The following PCDHA10 variants were observed in gnomAD, a reference collection of about 807,000 sequenced individuals.
PCDHA10 encodes the protein protocadherin alpha-10.
PCDHA10 carries 45 observed loss-of-function variants against 61.2 expected under a neutral mutation model. The ratio of observed to expected loss-of-function variants is 0.74; its 90% CI spans 0.58 to 0.94. The LOEUF (loss-of-function observed/expected upper bound fraction) is 0.94, where lower values mean the gene tolerates loss of function less well. Ranked by LOEUF, PCDHA10 falls within the 40% of genes least tolerant of loss-of-function variation. The probability of loss-of-function intolerance (pLI) is 0.00; values close to 1 mark genes in which losing one functional copy is unlikely to be tolerated. For synonymous variants in PCDHA10, 602 were observed against 548.8 expected (o/e 1.10, Z -1.35); for missense variants, 1,278 against 1,236.2 (o/e 1.03, Z -0.51).
rs782448076 is a variant in PCDHA10 at position 140,857,737 on chromosome 5, G to C, written c.1689G>C (p.Ala563=). 4 of 1,597,412 alleles carry C rather than the reference G, an allele frequency of 2.5e-6. No homozygotes were observed. The highest frequency in any genetic ancestry group is 1.8e-4 in the Middle Eastern group (1 of 5,652). Reference sequence around the variant, plus strand: ...TGGACGAGAACGACAACGCTCCCGCGCTGCTGGCGTCTCCCGCTGGCAGCG... The same window carrying C: ...TGGACGAGAACGACAACGCTCCCGCCCTGCTGGCGTCTCCCGCTGGCAGCG... ...FVLDENDNAP[A]LLASPAGSAG... The change falls in exon 1 of 4, where the codon GCG becomes GCC. Residue 563 remains alanine, a synonymous_variant. Transcript: ENST00000307360.
At chr5:140,926,789 G>C in intron 1 of PCDHA10, 1 of 1,432,318 alleles carries the variant, frequency 7.0e-7, no homozygotes, top group Non-Finnish European at 9.1e-7. Context: ...CGGCCGGCAG[G>C]AGCGTGCTCT....
chr5:140,961,920 G>A (rs2095643236), intron 1 of PCDHA10, among the ~76,000 whole-genome samples: 1 of 147,904 alleles, frequency 6.8e-6, no homozygotes, highest in South Asian at 2.1e-4. Context: ...GTCTCGCTCT[G>A]TTGCCCAGGC....
Position 140,858,425 on chromosome 5 carries a change from C to A in PCDHA10, c.2377C>A (p.His793Asn), listed in dbSNP as rs373682195. Reference protein sequence around the residue: ...DGEDQSIGGDHSRKPRQPNPD... With the variant: ...DGEDQSIGGDNSRKPRQPNPD... Reference sequence around the variant, plus strand: ...GGAAGATCAGTCTATTGGAGGGGACCACTCTAGGAAGGTGGGTTATTACGT... The same window carrying A: ...GGAAGATCAGTCTATTGGAGGGGACAACTCTAGGAAGGTGGGTTATTACGT... The change falls in exon 1 of 4, where the codon CAC becomes AAC. Residue 793 changes from histidine to asparagine, a missense_variant. Physicochemically the swap from His to Asn is moderately conservative, Grantham distance 68. Coordinates refer to ENST00000307360, the MANE Select transcript of PCDHA10 (RefSeq NM_018901.4). The A allele has an allele frequency of 1.2e-5, 18 of 1,552,696 alleles. 1 individual carries two copies. In the African/African-American group the frequency reaches 2.3e-4, roughly 20 times the overall value.
In PCDHA10 at chr5:140,856,832, C is replaced by A. The variant is rs2044230469; in HGVS notation, c.784C>A (p.Arg262=). 3.1e-6 allele frequency: 5 copies of A among 1,590,918 alleles called. No homozygotes were observed. The highest frequency in any genetic ancestry group is 4.3e-6 in the Non-Finnish European group (5 of 1,161,254). Residue 262 remains arginine (R), a synonymous_variant, in exon 1 of 4, where the codon CGG becomes AGG. Transcript: ENST00000307360. The part of the protein sequence containing the change: ...ENQVNQTLVI[R]LNASDSDEGI... ...TCAAGTGAACCAAACATTAGTAATA[C>A]GGCTCAACGCTTCTGATTCGGATGA...
intron 1 of PCDHA10, among the ~76,000 whole-genome samples, chr5:140,925,122 GA>G (rs1298426256): frequency 2.7e-5 from 4 of 150,724 alleles, no homozygotes; most frequent in Non-Finnish European, 4.4e-5. Flanking sequence ...AGGAAGGAAG[GA>G]AAAAAAATTT....
chr5:140,882,197 G>T, intron 1 of PCDHA10: 2 of 1,521,690 alleles, frequency 1.3e-6, no homozygotes, highest in Non-Finnish European at 1.8e-6. Flanking sequence ...CATAAAAATT[G>T]GGCCTTGAGA....
chr5:140,899,962 C>G (rs1562916347), intron 1 of PCDHA10, among the ~76,000 whole-genome samples: 1 of 152,064 alleles, frequency 6.6e-6, no homozygotes, highest in African/African-American at 2.4e-5. Flanking sequence ...CATGTGCTGC[C>G]ATGCCCAGCT....
At chr5:140,884,941 C>T (rs1326188943) in intron 1 of PCDHA10, among the ~76,000 whole-genome samples, 1 of 152,116 alleles carries the variant, frequency 6.6e-6, no homozygotes, top group Admixed American at 6.5e-5. Context: ...TGCAATTGAG[C>T]ATTTACAAAA....
chr5:140,976,449 G>T (rs1554237649), intron 1 of PCDHA10, among the ~76,000 whole-genome samples: 1 of 152,136 alleles, frequency 6.6e-6, no homozygotes, highest in Non-Finnish European at 1.5e-5. Flanking sequence ...TACTAGGGAG[G>T]CTGGGGAAGA....
rs1279359347 is a variant in PCDHA10 at position 141,012,130 on chromosome 5, C to T, written c.*2193C>T. ...ACTGAAGCCCATGTATCTGACCTTA[C>T]GTGCCTTTTGAACTAGGAGAATCGG... On this transcript the variant is annotated 3_prime_UTR_variant, in exon 4 of 4. Coordinates refer to ENST00000307360, the MANE Select transcript of PCDHA10 (RefSeq NM_018901.4). The T allele has an allele frequency of 2.0e-5, 3 of 153,796 alleles. No individual in the cohort carries two copies. The highest frequency in any genetic ancestry group is 1.9e-4 in the East Asian group (1 of 5,172). 9.5% of individuals were successfully genotyped at this position (153,796 alleles called of 1,614,324 possible). A position where few individuals can be genotyped will look rare whatever the true frequency, so the allele number is the denominator to read the frequency against.
At chr5:140,986,151 G>A (rs547474191) in intron 3 of PCDHA10, among the ~76,000 whole-genome samples, 1 of 152,198 alleles carries the variant, frequency 6.6e-6, no homozygotes, top group African/African-American at 2.4e-5. Flanking sequence ...GCATCACCAA[G>A]TAATGTTTTC....
intron 1 of PCDHA10, among the ~76,000 whole-genome samples, chr5:140,961,895 T>A (rs1453853880): frequency 6.6e-6 from 1 of 152,012 alleles, no homozygotes; most frequent in Non-Finnish European, 1.5e-5. Flanking sequence ...CAGTTTTTTT[T>A]TTTTTTGAGA....
chr5:140,908,492 T>G (rs1241563422), intron 1 of PCDHA10, among the ~76,000 whole-genome samples: 3 of 152,226 alleles, frequency 2.0e-5, no homozygotes, highest in African/African-American at 7.2e-5. Context: ...CAGTTCAGGT[T>G]GCTTGGTGAC....
chr5:140,905,231 A>G (rs2071692761), intron 1 of PCDHA10, among the ~76,000 whole-genome samples: 1 of 152,180 alleles, frequency 6.6e-6, no homozygotes, highest in African/African-American at 2.4e-5. Flanking sequence ...AGAGATGAGG[A>G]TCCAGTTTCA....
chr5:140,927,420 G>A (rs782549245), intron 1 of PCDHA10: 5 of 1,614,108 alleles, frequency 3.1e-6, no homozygotes, highest in Non-Finnish European at 4.2e-6. Flanking sequence ...TGGGATCGCG[G>A]GTTGACGGCA....
chr5:140,887,153 G>C (rs950456487), intron 1 of PCDHA10, among the ~76,000 whole-genome samples: 1 of 151,288 alleles, frequency 6.6e-6, no homozygotes, highest in South Asian at 2.1e-4. Flanking sequence ...CTGGAGTACA[G>C]TGGCGTGATC....
intron 1 of PCDHA10, chr5:140,877,743 G>A: frequency 6.2e-7 from 1 of 1,614,148 alleles, no homozygotes; most frequent in Non-Finnish European, 8.5e-7. Context: ...GGAGGCAGAG[G>A]GTGTGCTCTG....
intron 1 of PCDHA10, chr5:140,967,843 T>G (rs782701780): frequency 6.2e-7 from 1 of 1,614,102 alleles, no homozygotes; most frequent in East Asian, 2.2e-5. Flanking sequence ...TGGACGTGAA[T>G]GACAATGCCC....
chr5:140,859,587 C>T, intron 1 of PCDHA10: 1 of 166,890 alleles, frequency 6.0e-6, no homozygotes, highest in Non-Finnish European at 1.3e-5. Context: ...TTGCCTATGG[C>T]TCTTAGCAAT....
Sources: gnomAD v4.1 joint callset for allele counts (sites outside exome capture counted in the v4.1 genomes callset) on GRCh38, gnomAD v4.1.1 for gene constraint, MANE v1.5 for transcripts, NCBI Gene and HGNC (gene_info 2026-07-23, HGNC 2026-07-21) for gene names.